CCDC149: variants seen among roughly 807,000 people sequenced by gnomAD.
CCDC149 encodes the protein coiled-coil domain containing 149.
Under a neutral mutation model 59.9 loss-of-function variants are expected in CCDC149, and 45 were observed. The observed-to-expected ratio is 0.75, with a 90% CI of 0.59 to 0.96. The LOEUF is 0.96. CCDC149 is among the 40% of genes least tolerant of loss of function. CCDC149 has a pLI of 0.00. For missense variants in CCDC149, 584 were observed against 664.7 expected, an observed-to-expected ratio of 0.88 and a Z score of 1.33; for synonymous variants, 245 against 260.6, an observed-to-expected ratio of 0.94 and a Z score of 0.58.
chr4:24,931,256 T>A (rs987653423), intron 1 of CCDC149, among the ~76,000 whole-genome samples: 1 of 148,544 alleles, frequency 6.7e-6, no homozygotes, highest in Non-Finnish European at 1.5e-5. Flanking sequence ...TTGTATAATA[T>A]GCATATGTAT....
chr4:24,838,348 G>C, intron 4 of CCDC149, 76 bp from the exon 5 acceptor site: 1 of 1,005,872 alleles, frequency 9.9e-7, no homozygotes, highest in Non-Finnish European at 1.6e-6. Context: ...AGGACACTAA[G>C]AAACTTTTGG....
At chr4:24,954,707 G>A (rs1290885988) in intron 1 of CCDC149, among the ~76,000 whole-genome samples, 1 of 152,160 alleles carries the variant, frequency 6.6e-6, no homozygotes, top group Non-Finnish European at 1.5e-5. Context: ...CCTAGAAACA[G>A]TTCTGTCCCC....
intron 5 of CCDC149, 60 bp downstream of exon 5, chr4:24,838,092 CTTGT>C: frequency 2.3e-6 from 3 of 1,281,438 alleles, no homozygotes; most frequent in Admixed American, 1.7e-5. Flanking sequence ...ACAGTCCACT[CTTGT>C]TTGTGTTGTG....
At position 24,910,823 on chromosome 4, in the gene CCDC149, T is replaced by C. The variant is rs1246187576; in HGVS notation, c.63+1994A>G. 3.3e-5 allele frequency among the ~76,000 whole-genome samples: 5 copies of C among 152,186 alleles called. No individual in the cohort carries two copies. The East Asian group carries it at 9.6e-4, about 29-fold the overall frequency. Reference sequence around the variant, plus strand: ...TTAGCCTGTCTGAGCCACTGTTTCCTTATCTGTAAAATAAGAAAGAATTCC... The same window carrying C: ...TTAGCCTGTCTGAGCCACTGTTTCCCTATCTGTAAAATAAGAAAGAATTCC... On this transcript the variant is annotated intron_variant, in intron 1 of 12. Coordinates refer to ENST00000635206, the MANE Select transcript of CCDC149 (RefSeq NM_001330643.2).
intron 1 of CCDC149, among the ~76,000 whole-genome samples, chr4:24,936,600 A>G (rs2109345333): frequency 6.6e-6 from 1 of 152,314 alleles, no homozygotes; most frequent in East Asian, 1.9e-4. Context: ...CTTGAAATAT[A>G]TAGTACATTG....
intron 7 of CCDC149, among the ~76,000 whole-genome samples, 178 bp from the exon 8 acceptor site, chr4:24,835,210 AGTTT>A (rs1483402566): frequency 2.0e-5 from 3 of 152,316 alleles, no homozygotes; most frequent in Middle Eastern, 3.4e-3. Context: ...CCTGGTAAGA[AGTTT>A]GTTTGTTTGT....
intron 1 of CCDC149, among the ~76,000 whole-genome samples, chr4:24,878,216 TAAAAAAAAAAAAAAA>T (rs66494953): frequency 2.4e-5 from 3 of 125,148 alleles, no homozygotes; most frequent in South Asian, 5.3e-4. Context: ...TTTTTTTTCC[TAAAAAAAAAAAAAAA>T]AAAAAAAGAA....
At chr4:24,805,929 C>T (rs1023007696), downstream of CCDC149, among the ~76,000 whole-genome samples, 1 of 152,124 alleles carries the variant, frequency 6.6e-6, no homozygotes, top group African/African-American at 2.4e-5. Flanking sequence ...GAATGTATAG[C>T]CCTGGAATGC....
At chr4:24,964,192 TAAAAAAA>T (rs377278394) in intron 1 of CCDC149, among the ~76,000 whole-genome samples, 1 of 119,200 alleles carries the variant, frequency 8.4e-6, no homozygotes, top group Non-Finnish European at 1.7e-5. Flanking sequence ...AGACCCTATC[TAAAAAAA>T]AAAAAAAAAA....
chr4:24,827,825 A>G (rs1715860001), intron 9 of CCDC149: 1 of 152,266 alleles, frequency 6.6e-6, no homozygotes, highest in Non-Finnish European at 1.5e-5. Flanking sequence ...GCTGCCAGGA[A>G]GGAACACCTT....
At chr4:24,832,616 AT>A (rs1041046551) in intron 8 of CCDC149, among the ~76,000 whole-genome samples, 5 of 151,160 alleles carry the variant, frequency 3.3e-5, no homozygotes, top group Middle Eastern at 3.4e-3. Flanking sequence ...ATAGAAAATT[AT>A]TTTTTTTTCT....
chr4:24,963,667 CA>C (rs1386954841), intron 1 of CCDC149, among the ~76,000 whole-genome samples: 1 of 152,180 alleles, frequency 6.6e-6, no homozygotes, highest in Non-Finnish European at 1.5e-5. Flanking sequence ...TGAAGCCCAG[CA>C]GGGAGTTGCA....
intron 1 of CCDC149, among the ~76,000 whole-genome samples, chr4:24,898,841 C>T (rs1311945305): frequency 6.6e-6 from 1 of 152,026 alleles, no homozygotes; most frequent in Non-Finnish European, 1.5e-5. Flanking sequence ...TAGGAGGTCA[C>T]CTTTGGACAT....
chr4:24,944,462 A>C (rs1417938630), intron 1 of CCDC149, among the ~76,000 whole-genome samples: 1 of 152,206 alleles, frequency 6.6e-6, no homozygotes, highest in South Asian at 2.1e-4. Context: ...TGACGAGTTA[A>C]TGGGTGCAGC....
chr4:24,938,847 A>AG (rs1722862050), intron 1 of CCDC149, among the ~76,000 whole-genome samples: 2 of 152,130 alleles, frequency 1.3e-5, no homozygotes, highest in African/African-American at 4.8e-5. Flanking sequence ...AGGCTGGGTG[A>AG]GGGGCGCCCG....
intron 12 of CCDC149, among the ~76,000 whole-genome samples, chr4:24,819,348 G>C (rs1715213925): frequency 6.6e-6 from 1 of 152,080 alleles, no homozygotes; most frequent in African/African-American, 2.4e-5. Flanking sequence ...TTGAGACGGA[G>C]TCTTGCTGTA....
At chr4:24,871,898 T>G (rs1719066331) in intron 3 of CCDC149, among the ~76,000 whole-genome samples, 1 of 152,238 alleles carries the variant, frequency 6.6e-6, no homozygotes, top group African/African-American at 2.4e-5. Flanking sequence ...CATATCTATC[T>G]ATGAGAGAGA....
At chr4:24,875,704 T>C (rs905177082) in intron 2 of CCDC149, among the ~76,000 whole-genome samples, 2 of 152,158 alleles carry the variant, frequency 1.3e-5, no homozygotes, top group Admixed American at 1.3e-4. Context: ...ATCAGTCACA[T>C]GAGCCCATGA....
intron 1 of CCDC149, among the ~76,000 whole-genome samples, chr4:24,925,265 G>GGACT: frequency 6.6e-6 from 1 of 152,322 alleles, no homozygotes; most frequent in East Asian, 1.9e-4. Context: ...GGACAGCTTA[G>GGACT]GACTCAGTCA....
Sources: allele counts gnomAD v4.1 joint callset (sites outside exome capture counted in the v4.1 genomes callset), GRCh38; gene constraint gnomAD v4.1.1; transcripts MANE v1.5; gene names NCBI Gene and HGNC (gene_info 2026-07-23, HGNC 2026-07-21).